The following GNA12 variants were observed in gnomAD, a reference collection of about 807,000 sequenced individuals.
GNA12 encodes the protein G protein subunit alpha 12, also known as guanine nucleotide-binding protein subunit alpha-12.
A neutral mutation model predicts 26.0 loss-of-function variants in GNA12; 9 were observed. That is an observed-to-expected ratio of 0.35 (90% CI 0.21 to 0.60). The LOEUF (loss-of-function observed/expected upper bound fraction) is 0.60. Ranked by LOEUF, GNA12 falls within the 20% of genes least tolerant of loss-of-function variation. The pLI is 0.78. For synonymous variants in GNA12, 264 were observed against 219.6 expected, an observed-to-expected ratio of 1.20 and a Z score of -1.79; for missense variants, 405 against 525.8, an observed-to-expected ratio of 0.77 and a Z score of 2.25.
At chr7:2,775,006 G>A (rs1160202189) in intron 2 of GNA12, among the ~76,000 whole-genome samples, 5 of 152,174 alleles carry the variant, frequency 3.3e-5, no homozygotes, top group African/African-American at 7.2e-5. Flanking sequence ...GGCACCAGAC[G>A]TGGCTTAAAG....
intron 2 of GNA12, among the ~76,000 whole-genome samples, chr7:2,774,757 G>A (rs760094841): frequency 3.3e-5 from 5 of 152,096 alleles, no homozygotes; most frequent in South Asian, 2.1e-4. Flanking sequence ...AATCAGGCAC[G>A]TCTAAGAATA....
chr7:2,830,542 A>C (rs541177924), intron 1 of GNA12, among the ~76,000 whole-genome samples: 14 of 152,248 alleles, frequency 9.2e-5, no homozygotes, highest in African/African-American at 3.4e-4. Context: ...ACAGGGCCTG[A>C]GCCCCACCTG....
chr7:2,745,733 T>A (rs1790733342), intron 2 of GNA12, among the ~76,000 whole-genome samples: 1 of 152,096 alleles, frequency 6.6e-6, no homozygotes, highest in Non-Finnish European at 1.5e-5. Flanking sequence ...GCAAATTGGA[T>A]AAAGAGTCAA....
chr7:2,814,113 C>A (rs1226906805), intron 1 of GNA12, among the ~76,000 whole-genome samples: 1 of 152,168 alleles, frequency 6.6e-6, no homozygotes, highest in Non-Finnish European at 1.5e-5. Context: ...GAGTTTGAAT[C>A]ACGCCTCGGG....
intron 2 of GNA12, among the ~76,000 whole-genome samples, chr7:2,788,370 G>A (rs374250975): frequency 3.3e-5 from 5 of 152,242 alleles, no homozygotes; most frequent in East Asian, 3.9e-4. Flanking sequence ...TGTGTTGGAC[G>A]GCACGTCTAG....
intron 2 of GNA12, among the ~76,000 whole-genome samples, chr7:2,761,313 G>A (rs948534777): frequency 1.3e-5 from 2 of 152,226 alleles, no homozygotes; most frequent in Non-Finnish European, 2.9e-5. Context: ...CATGCTCACA[G>A]AGCCGTCTGC....
intron 1 of GNA12, among the ~76,000 whole-genome samples, chr7:2,819,746 C>T (rs1053592579): frequency 1.3e-5 from 2 of 152,184 alleles, no homozygotes; most frequent in African/African-American, 2.4e-5. Context: ...GACAGATAAA[C>T]ACAAGCACGG....
chr7:2,733,632 CAG>C (rs1232798286), intron 2 of GNA12, 131 bp from the exon 3 acceptor site: 3 of 698,906 alleles, frequency 4.3e-6, no homozygotes, highest in Non-Finnish European at 7.9e-6. Flanking sequence ...AGGAAAAAGG[CAG>C]AGAGTGTCCG....
At position 2,728,994 on chromosome 7, in the gene GNA12, C is replaced by G. The variant is rs1186755339; in HGVS notation, c.*2187G>C. 6.6e-6 allele frequency: 1 copy of G among 152,450 alleles called. No individual in the cohort carries two copies. The highest frequency in any genetic ancestry group is 2.4e-5 in the African/African-American group (1 of 41,464). 9.4% of individuals were successfully genotyped at this position (152,450 alleles called of 1,614,324 possible). On this transcript the variant is annotated 3_prime_UTR_variant, in exon 4 of 4. Coordinates refer to ENST00000275364, the MANE Select transcript of GNA12 (RefSeq NM_007353.3). ...GGACCCCACAATATCTCCTTCCTCTCATGCTTCTGGTTTGAAAGTGACGAG... is the reference window on the plus strand; with the variant it reads ...GGACCCCACAATATCTCCTTCCTCTGATGCTTCTGGTTTGAAAGTGACGAG...
chr7:2,747,609 A>T, intron 2 of GNA12, among the ~76,000 whole-genome samples: 1 of 152,250 alleles, frequency 6.6e-6, no homozygotes, highest in Non-Finnish European at 1.5e-5. Flanking sequence ...GAAAACTGGC[A>T]CAAGACAGGG....
chr7:2,816,283 T>A (rs1007940867), intron 1 of GNA12, among the ~76,000 whole-genome samples: 1 of 149,068 alleles, frequency 6.7e-6, no homozygotes, highest in African/African-American at 2.5e-5. Context: ...CAGGCTGGAG[T>A]GCAATGGCAC....
rs577867568 is a variant in GNA12, at chr7:2,788,670, A to C, written c.525+6258T>G. On this transcript the variant is annotated intron_variant, in intron 2 of 3. Coordinates refer to ENST00000275364, the MANE Select transcript of GNA12 (RefSeq NM_007353.3). ...TGAGGATATTAACTAGGTAGGAAGC[A>C]AAGAGCTGTGCAGCCAGGAAAGAAG... Among the ~76,000 whole-genome samples the C allele has an allele frequency of 1.6e-4, 25 of 152,350 alleles. No individual in the cohort carries two copies. The South Asian group carries it at 3.1e-3, about 19-fold the overall frequency.
intron 1 of GNA12, among the ~76,000 whole-genome samples, chr7:2,815,692 GTGGTGCTCCCTGGAGCC>G (rs1263281907): frequency 4.0e-5 from 6 of 151,878 alleles, no homozygotes; most frequent in East Asian, 1.9e-4. Context: ...CTGACCCAGC[GTGGTGCTCCCTGGAGCC>G]TGGTGCTCCC....
At chr7:2,835,672 G>A (rs753404347) in intron 1 of GNA12, 25 of 1,001,480 alleles carry the variant, frequency 2.5e-5, no homozygotes, top group Admixed American at 2.3e-4. Context: ...TGTTACTTTC[G>A]AAGAGCAACA....
chr7:2,760,193 A>G (rs1791491829), intron 2 of GNA12: 2 of 152,272 alleles, frequency 1.3e-5, no homozygotes, highest in African/African-American at 4.8e-5. Context: ...GAAGGAGTGG[A>G]GATTGAAGAC....
At chr7:2,810,796 G>A (rs1793061970) in intron 1 of GNA12, among the ~76,000 whole-genome samples, 1 of 152,180 alleles carries the variant, frequency 6.6e-6, no homozygotes, top group African/African-American at 2.4e-5. Context: ...TACGTGGGAG[G>A]TTGAGGCAAG....
intron 1 of GNA12, among the ~76,000 whole-genome samples, chr7:2,839,902 G>C (rs1446898875): frequency 6.6e-6 from 1 of 152,150 alleles, no homozygotes; most frequent in Non-Finnish European, 1.5e-5. Context: ...GGGAGGCTGG[G>C]ACAGGAGAAT....
chr7:2,737,319 C>T (rs151076395), intron 2 of GNA12, among the ~76,000 whole-genome samples: 2,871 of 123,068 alleles, frequency 0.023, 70 homozygotes, highest in Middle Eastern at 0.14. Flanking sequence ...GATGGAGTCT[C>T]GCCCTGTCGC....
At chr7:2,751,109 C>T (rs975427078) in intron 2 of GNA12, among the ~76,000 whole-genome samples, 10 of 152,198 alleles carry the variant, frequency 6.6e-5, no homozygotes, top group South Asian at 2.1e-4. Context: ...ATATTAGGGC[C>T]GGGCCCGGGG....
Sources: gnomAD v4.1 joint callset for allele counts (sites outside exome capture counted in the v4.1 genomes callset) on GRCh38, gnomAD v4.1.1 for gene constraint, MANE v1.5 for transcripts, NCBI Gene and HGNC (gene_info 2026-07-23, HGNC 2026-07-21) for gene names.